The following DCAF4 variants were observed in gnomAD, a reference collection of about 807,000 sequenced individuals.
DCAF4 encodes the protein DDB1 and CUL4 associated factor 4.
Under a neutral mutation model 60.9 loss-of-function variants are expected in DCAF4, and 37 were observed. The observed-to-expected ratio is 0.61, with a 90% CI of 0.47 to 0.80. The LOEUF (loss-of-function observed/expected upper bound fraction) is 0.80. DCAF4 is among the 30% of genes least tolerant of loss of function. The pLI is 0.00. For synonymous variants in DCAF4, 243 were observed against 254.8 expected, an observed-to-expected ratio of 0.95 and a Z score of 0.44; for missense variants, 577 against 650.0, an observed-to-expected ratio of 0.89 and a Z score of 1.22.
At chr14:72,939,748 A>C in intron 2 of DCAF4, 54 bp from the exon 3 acceptor site, 2 of 1,509,646 alleles carry the variant, frequency 1.3e-6, no homozygotes, top group Non-Finnish European at 1.8e-6. Flanking sequence ...CCCCCGTCAG[A>C]ATGGCTGGAA....
In DCAF4 at chr14:72,959,528, G is replaced by T. The variant is rs997726035; in HGVS notation, c.*723G>T. 2 of 985,564 alleles carry T rather than the reference G, an allele frequency of 2.0e-6. No individual in the cohort carries two copies. The highest frequency in any genetic ancestry group is 2.4e-6 in the Non-Finnish European group (2 of 829,940). The allele number at this position is 985,564 out of a possible 1,614,324, so 61.1% of individuals were successfully genotyped here. A position where few individuals can be genotyped will look rare whatever the true frequency, so the allele number is the denominator to read the frequency against. On this transcript the variant is annotated 3_prime_UTR_variant, in exon 14 of 14. Transcript: ENST00000358377. ...GGTGACTTGAATGTCAGATTCAAGG[G>T]CCCGGCGTCAAAGGAAATTGGTTTT... is the stretch of plus-strand genomic sequence containing the variant.
Position 72,943,061 on chromosome 14 carries a change from T to A in DCAF4, c.499T>A (p.Ser167Thr). 18 of 1,614,162 alleles carry A rather than the reference T, an allele frequency of 1.1e-5. No homozygotes were observed. Among genetic ancestry groups the A allele is most frequent in the Non-Finnish European group, 1.5e-5 (18 of 1,180,008 alleles). The part of the protein sequence containing the change: ...KKVQIRSMDP[S>T]ALASDRFNLI... ...GGTCCAGATTCGAAGCATGGATCCC[T>A]CCGCCTTGGCAAGCGACCGATTTAA... The change falls in exon 6 of 14, where the codon TCC (serine) becomes ACC (threonine). Residue 167 changes from serine to threonine, a missense_variant. Physicochemically the swap from Ser to Thr is moderately conservative, Grantham distance 58 (BLOSUM62 1). Coordinates refer to ENST00000358377, the MANE Select transcript of DCAF4 (RefSeq NM_015604.4).
At chr14:72,946,062 T>G (rs770856912) in intron 7 of DCAF4, 35 bp downstream of exon 7, 1 of 1,609,356 alleles carries the variant, frequency 6.2e-7, no homozygotes. Flanking sequence ...CTCTGCACAC[T>G]TGACCCTGGG....
chr14:72,960,505 TCCTTCTCCCACCAGCAAACC>T (rs1219286849), downstream of DCAF4: 1 of 495,916 alleles, frequency 2.0e-6, no homozygotes, highest in Non-Finnish European at 2.7e-6. Flanking sequence ...TCTGACCTCT[TCCTTCTCCCACCAGCAAACC>T]CCAGGGCAGT....
At chr14:72,942,136 A>T in intron 5 of DCAF4, 1 of 311,294 alleles carries the variant, frequency 3.2e-6, no homozygotes, top group African/African-American at 2.1e-5. Context: ...CATTCCCATG[A>T]CATTTCTGCA....
At position 72,938,081 on chromosome 14, in the gene DCAF4, C is replaced by T. The variant is rs768344783; in HGVS notation, c.92+11C>T. 10 of 1,589,196 alleles carry T rather than the reference C, an allele frequency of 6.3e-6. No homozygotes were observed. The highest frequency in any genetic ancestry group is 4.5e-5 in the East Asian group (2 of 44,574). Reference sequence around the variant, plus strand: ...TGATTCTGAAGACAGGCAAGTGTGCCGCTCTGGGGAGCCACTTTTGCCCAG... The same window carrying T: ...TGATTCTGAAGACAGGCAAGTGTGCTGCTCTGGGGAGCCACTTTTGCCCAG... On this transcript the variant is annotated intron_variant, in intron 2 of 13. Transcript: ENST00000358377.
chr14:72,943,899 C>T (rs894756341), intron 6 of DCAF4, among the ~76,000 whole-genome samples: 2 of 152,176 alleles, frequency 1.3e-5, no homozygotes, highest in Non-Finnish European at 2.9e-5. Flanking sequence ...CTGCATCCTC[C>T]TGCCCCAGGA....
intron 8 of DCAF4, among the ~76,000 whole-genome samples, chr14:72,950,928 G>C (rs1891325215): frequency 1.3e-5 from 2 of 152,094 alleles, no homozygotes; most frequent in Non-Finnish European, 2.9e-5. Context: ...TCTGAGTAGA[G>C]GAGAAGGGAG....
At chr14:72,953,261 A>T (rs758178761) in intron 9 of DCAF4, among the ~76,000 whole-genome samples, 5 of 151,790 alleles carry the variant, frequency 3.3e-5, no homozygotes, top group Non-Finnish European at 7.4e-5. Context: ...CGGCCTCCTA[A>T]AGTGCTGGGA....
chr14:72,934,616 G>A (rs1014679618), intron 1 of DCAF4, among the ~76,000 whole-genome samples: 1 of 152,094 alleles, frequency 6.6e-6, no homozygotes, highest in Non-Finnish European at 1.5e-5. Context: ...TCTTCAGACT[G>A]CACTTATCTC....
At chr14:72,945,612 C>A (rs1331983995) in intron 6 of DCAF4, among the ~76,000 whole-genome samples, 1 of 152,214 alleles carries the variant, frequency 6.6e-6, no homozygotes. Context: ...GTGAGGTCCT[C>A]ATGCAGACCT....
At chr14:72,956,270 A>C in intron 12 of DCAF4, 116 bp from the exon 13 acceptor site, 1 of 685,404 alleles carries the variant, frequency 1.5e-6, no homozygotes, top group Non-Finnish European at 2.4e-6. Context: ...CGAGATGGAG[A>C]TCTTCATGAC....
At chr14:72,934,482 G>A (rs1382760724) in intron 1 of DCAF4, among the ~76,000 whole-genome samples, 1 of 152,080 alleles carries the variant, frequency 6.6e-6, no homozygotes, top group African/African-American at 2.4e-5. Context: ...TAGAGTTGGG[G>A]TTTCGTCATG....
chr14:72,948,655 A>G (rs1380096752), intron 8 of DCAF4, among the ~76,000 whole-genome samples: 2 of 152,222 alleles, frequency 1.3e-5, no homozygotes, highest in Non-Finnish European at 2.9e-5. Context: ...ATTGGACTTA[A>G]AGGGATGGAT....
At position 72,938,055 on chromosome 14, in the gene DCAF4, G is replaced by A. The variant is rs780835122; in HGVS notation, c.77G>A (p.Arg26His). ...CAGCAGAACCCTTGGTTCAGACTCC[G>A]TGATTCTGAAGACAGGCAAGTGTGC... ...SHQQNPWFRL[R>H]DSEDRSDSRA... Residue 26 changes from arginine (R) to histidine (H), a missense_variant, in exon 2 of 14, where the codon CGT becomes CAT. Coordinates refer to ENST00000358377, the MANE Select transcript of DCAF4 (RefSeq NM_015604.4). 46 of 1,607,666 alleles carry A rather than the reference G, an allele frequency of 2.9e-5. No homozygotes were observed. Among genetic ancestry groups the A allele is most frequent in the African/African-American group, 5.4e-5 (4 of 74,318 alleles).
intron 9 of DCAF4, among the ~76,000 whole-genome samples, chr14:72,953,011 TTTTTTTG>T (rs1891639473): frequency 7.6e-6 from 1 of 132,080 alleles, no homozygotes; most frequent in Admixed American, 7.8e-5. Context: ...TTTTTTTTTT[TTTTTTTG>T]AGATGGAGTT....
chr14:72,958,492 T>A (rs562513928), intron 13 of DCAF4, 120 bp from the exon 14 acceptor site: 23 of 1,150,928 alleles, frequency 2.0e-5, no homozygotes, highest in Non-Finnish European at 2.4e-5. Context: ...TTAATGAGTT[T>A]GTGTTTTGGC....
downstream of DCAF4, chr14:72,960,571 C>T (rs973226237): frequency 1.1e-5 from 11 of 1,044,438 alleles, no homozygotes; most frequent in Admixed American, 4.0e-5. Context: ...GGCTGACAGT[C>T]TTCTGTATTC....
At position 72,940,345 on chromosome 14, in the gene DCAF4, C is replaced by T. The variant is rs373770788; in HGVS notation, c.319C>T (p.Arg107Trp). The change falls in exon 4 of 14, where the codon CGG (arginine) becomes TGG (tryptophan). Residue 107 changes from arginine to tryptophan, a missense_variant. Coordinates refer to ENST00000358377, the MANE Select transcript of DCAF4 (RefSeq NM_015604.4). Reference protein sequence around the residue: ...RQKEMESKRLRLLQEEDRRKK... With the variant: ...RQKEMESKRLWLLQEEDRRKK... ...GAAGGAGATGGAGAGCAAGAGACTGCGGCTGCTCCAGGAAGAAGACAGACG... is the reference window on the plus strand; with the variant it reads ...GAAGGAGATGGAGAGCAAGAGACTGTGGCTGCTCCAGGAAGAAGACAGACG... The T allele has an allele frequency of 1.1e-4, 184 of 1,612,942 alleles. 1 individual carries two copies. Among genetic ancestry groups the T allele is most frequent in the South Asian group, 4.0e-4 (36 of 90,910 alleles).
Sources: allele counts gnomAD v4.1 joint callset (sites outside exome capture counted in the v4.1 genomes callset), GRCh38; gene constraint gnomAD v4.1.1; transcripts MANE v1.5; gene names NCBI Gene and HGNC (gene_info 2026-07-23, HGNC 2026-07-21).